The following ZNF385D variants were observed in gnomAD, a reference collection of about 807,000 sequenced individuals.
The protein encoded by ZNF385D is zinc finger protein 385D.
Under a neutral mutation model 35.8 loss-of-function variants are expected in ZNF385D, and 15 were observed. The ratio of observed to expected loss-of-function variants is 0.42; its 90% CI spans 0.28 to 0.64. The LOEUF (loss-of-function observed/expected upper bound fraction) is 0.64, where lower values mean the gene tolerates loss of function less well. Ranked by LOEUF, ZNF385D falls within the 30% of genes least tolerant of loss-of-function variation. The probability of loss-of-function intolerance (pLI) is 0.23; values close to 1 mark genes in which losing one functional copy is unlikely to be tolerated. For missense variants in ZNF385D, 474 were observed against 494.6 expected (o/e 0.96, Z 0.39); for synonymous variants, 212 against 186.8 (o/e 1.13, Z -1.10).
chr3:22,313,533 C>T (rs570567640), intron 2 of ZNF385D, among the ~76,000 whole-genome samples: 44 of 148,382 alleles, frequency 3.0e-4, no homozygotes, highest in Non-Finnish European at 7.5e-5. Context: ...GTAGATGTCA[C>T]ATTTAACATG....
intron 5 of ZNF385D, among the ~76,000 whole-genome samples, chr3:21,427,040 G>A (rs1308114195): frequency 3.3e-5 from 5 of 152,144 alleles, no homozygotes; most frequent in East Asian, 1.9e-4. Flanking sequence ...GAATTGAAAC[G>A]TGGAACCAGA....
chr3:22,022,909 G>A (rs1697308956), intron 3 of ZNF385D, among the ~76,000 whole-genome samples: 1 of 152,116 alleles, frequency 6.6e-6, no homozygotes. Flanking sequence ...TAGCACGGAA[G>A]GCAAATATGG....
intron 2 of ZNF385D, among the ~76,000 whole-genome samples, chr3:22,188,790 A>G (rs993940322): frequency 2.6e-5 from 4 of 152,138 alleles, no homozygotes; most frequent in Admixed American, 6.6e-5. Context: ...ATCTAGAGAA[A>G]TATCTTCTCA....
chr3:22,291,389 ATATT>A (rs528898340), intron 2 of ZNF385D, among the ~76,000 whole-genome samples: 123 of 152,188 alleles, frequency 8.1e-4, no homozygotes, highest in African/African-American at 2.8e-3. Flanking sequence ...TGAGTCCTAC[ATATT>A]TATTTATAAA....
chr3:22,008,557 C>T lies in ZNF385D; in HGVS notation c.325+160260G>A, dbSNP rs143518151. Among the ~76,000 whole-genome samples, 1,154 of 152,106 alleles carry T rather than the reference C, an allele frequency of 7.6e-3. 8 individuals are homozygous for T. The highest frequency in any genetic ancestry group is 0.022 in the African/African-American group (908 of 41,486). Reference sequence around the variant, plus strand: ...ATTTTTAGTAGAGACGGGGTTTCACCGTGTTAGCCAGCATGGTCTCGATCT... The same window carrying T: ...ATTTTTAGTAGAGACGGGGTTTCACTGTGTTAGCCAGCATGGTCTCGATCT... On this transcript the variant is annotated intron_variant, in intron 3 of 5. Coordinates refer to the ZNF385D transcript ENST00000494108.
chr3:22,080,434 C>T (rs1024600711), intron 3 of ZNF385D, among the ~76,000 whole-genome samples: 1 of 151,970 alleles, frequency 6.6e-6, no homozygotes, highest in African/African-American at 2.4e-5. Flanking sequence ...TCTGTTTTCA[C>T]CCCATATTTT....
At chr3:21,852,087 T>C (rs1419814646) in intron 3 of ZNF385D, among the ~76,000 whole-genome samples, 4 of 152,056 alleles carry the variant, frequency 2.6e-5, no homozygotes, top group Non-Finnish European at 5.9e-5. Flanking sequence ...ATTCTCAAAA[T>C]GTATTTTCTG....
chr3:21,830,961 T>G (rs1694954156), intron 3 of ZNF385D, among the ~76,000 whole-genome samples: 1 of 152,130 alleles, frequency 6.6e-6, no homozygotes, highest in African/African-American at 2.4e-5. Context: ...GATATTCTGT[T>G]AAAAACTAGT....
chr3:22,112,832 T>G (rs1263769843), intron 3 of ZNF385D, among the ~76,000 whole-genome samples: 1 of 148,910 alleles, frequency 6.7e-6, no homozygotes, highest in African/African-American at 2.5e-5. Context: ...ACTGTCACCC[T>G]TCCTATGGGG....
intron 2 of ZNF385D, among the ~76,000 whole-genome samples, chr3:22,353,924 T>C (rs1299565869): frequency 6.6e-6 from 1 of 152,124 alleles, no homozygotes; most frequent in Non-Finnish European, 1.5e-5. Flanking sequence ...CCTCCCCACA[T>C]TTCAGTGTTC....
intron 2 of ZNF385D, among the ~76,000 whole-genome samples, chr3:22,242,160 G>A (rs1305812258): frequency 6.6e-6 from 1 of 150,660 alleles, no homozygotes; most frequent in Non-Finnish European, 1.5e-5. Flanking sequence ...CACCAGCGTG[G>A]CACCTGTATA....
In ZNF385D at chr3:21,985,635, G is replaced by T. The variant is rs940720651; in HGVS notation, c.325+183182C>A. ...GTATTGGTCTAAAATTCTCTTTTTT[G>T]GTTGTGTCTCTGCCTGGCTTTGGTA... is the stretch of plus-strand genomic sequence containing the variant. On this transcript the variant is annotated intron_variant, in intron 3 of 5. Transcript: ENST00000494108. 6.6e-4 allele frequency among the ~76,000 whole-genome samples: 94 copies of T among 143,086 alleles called. 1 individual carries two copies. The East Asian group carries it at 0.016, about 24-fold the overall frequency. The allele number at this position is 143,086 out of a possible 152,430, so 93.9% of individuals were successfully genotyped here.
chr3:21,771,058 G>T (rs1225106683), intron 3 of ZNF385D, among the ~76,000 whole-genome samples: 1 of 149,370 alleles, frequency 6.7e-6, no homozygotes, highest in African/African-American at 2.5e-5. Context: ...CTTGGACACA[G>T]GAAGGGGAAC....
intron 3 of ZNF385D, among the ~76,000 whole-genome samples, chr3:22,039,853 C>A (rs1215483462): frequency 6.6e-6 from 1 of 152,054 alleles, no homozygotes; most frequent in Non-Finnish European, 1.5e-5. Context: ...CCTTTTCCAC[C>A]CTTTTCTATG....
chr3:21,880,707 TGAA>T (rs1021644619), intron 3 of ZNF385D, among the ~76,000 whole-genome samples: 4 of 152,002 alleles, frequency 2.6e-5, no homozygotes, highest in Non-Finnish European at 5.9e-5. Context: ...TTAAGCTTAA[TGAA>T]GAAGGCATGT....
intron 2 of ZNF385D, among the ~76,000 whole-genome samples, chr3:22,202,443 T>TAACA (rs1305309895): frequency 6.6e-6 from 1 of 151,666 alleles, no homozygotes; most frequent in Non-Finnish European, 1.5e-5. Flanking sequence ...GGGAGGTGAG[T>TAACA]AACAACAGGG....
At chr3:21,944,318 G>C (rs1315258430) in intron 3 of ZNF385D, among the ~76,000 whole-genome samples, 1 of 152,216 alleles carries the variant, frequency 6.6e-6, no homozygotes, top group Admixed American at 6.5e-5. Context: ...ACCAGAGGCT[G>C]TTAGGATCAC....
At chr3:21,669,859 T>C (rs1025337771) in intron 1 of ZNF385D, among the ~76,000 whole-genome samples, 23 of 152,154 alleles carry the variant, frequency 1.5e-4, no homozygotes, top group African/African-American at 5.1e-4. Flanking sequence ...ATGATCACAA[T>C]AAGAGGTTAC....
intron 2 of ZNF385D, among the ~76,000 whole-genome samples, chr3:22,320,243 T>C (rs1694349964): frequency 6.6e-6 from 1 of 152,090 alleles, no homozygotes. Flanking sequence ...TTTATCTGAG[T>C]TGCTCTGCAG....
Sources: allele counts gnomAD v4.1 joint callset (sites outside exome capture counted in the v4.1 genomes callset), GRCh38; gene constraint gnomAD v4.1.1; transcripts MANE v1.5; gene names NCBI Gene and HGNC (gene_info 2026-07-23, HGNC 2026-07-21).